Variants in ANK2 observed in about 807,000 individuals in gnomAD.
ANK2 encodes the protein ankyrin-2.
In ANK2, 83 loss-of-function variants were observed where a neutral mutation model predicts 360.5. The ratio of observed to expected loss-of-function variants is 0.23; its 90% confidence interval spans 0.19 to 0.28. The LOEUF is 0.28. ANK2 is among the 10% of genes least tolerant of loss of function. The pLI, the probability that ANK2 is intolerant of heterozygous loss-of-function variation, is 1.00. For synonymous variants in ANK2, 1,740 were observed against 1,759.5 expected (o/e 0.99, Z 0.28); for missense variants, 4,201 against 4,795.7 (o/e 0.88, Z 3.66).
In ANK2 at chr4:113,292,408, C is replaced by A. The variant is rs2068207320; in HGVS notation, c.2278-8C>A. On this transcript the variant is annotated splice_region_variant and splice_polypyrimidine_tract_variant and intron_variant, in intron 20 of 45. Coordinates refer to ENST00000357077, the MANE Select transcript of ANK2 (RefSeq NM_001148.6). ...GGGTGCTGGGCCCGCCACCACTGTC[C>A]TCCACAGAACGGCTACACGCCTTTG... 6.2e-7 allele frequency: 1 copy of A among 1,607,690 alleles called. No homozygotes were observed.
At chr4:113,089,624 G>A (rs758797240) in intron 1 of ANK2, among the ~76,000 whole-genome samples, 2 of 152,114 alleles carry the variant, frequency 1.3e-5, no homozygotes, top group Non-Finnish European at 1.5e-5. Context: ...TCAGAAGTTC[G>A]AGACTAGCCT....
At chr4:113,153,756 C>T (rs890011402) in intron 1 of ANK2, among the ~76,000 whole-genome samples, 1 of 152,218 alleles carries the variant, frequency 6.6e-6, no homozygotes, top group Non-Finnish European at 1.5e-5. Context: ...TGAACTACCA[C>T]ATCAGAAGAA....
intron 24 of ANK2, among the ~76,000 whole-genome samples, chr4:113,312,376 A>G (rs770517427): frequency 3.3e-5 from 5 of 152,152 alleles, no homozygotes; most frequent in Non-Finnish European, 7.4e-5. Context: ...AGTTGGCACT[A>G]TTGTAAGCTA....
At chr4:112,785,764 G>A in the ANK2 span, among the ~76,000 whole-genome samples, 1 of 151,970 alleles carries the variant, frequency 6.6e-6, no homozygotes, top group Non-Finnish European at 1.5e-5. Flanking sequence ...GAACTTCTGA[G>A]CTCCAGCAAT....
chr4:112,818,433 A>T (rs1346236961), intron 1 of ANK2, among the ~76,000 whole-genome samples: 1 of 152,074 alleles, frequency 6.6e-6, no homozygotes, highest in Admixed American at 6.6e-5. Flanking sequence ...TGATGTGCAA[A>T]TGTTCCCCAG....
chr4:113,129,614 T>C (rs1474937211), intron 1 of ANK2, among the ~76,000 whole-genome samples: 1 of 152,206 alleles, frequency 6.6e-6, no homozygotes, highest in African/African-American at 2.4e-5. Flanking sequence ...AAGGAGCTGC[T>C]ATATAGTACA....
At chr4:113,003,004 C>T (rs1274091008) in intron 2 of ANK2, among the ~76,000 whole-genome samples, 1 of 152,244 alleles carries the variant, frequency 6.6e-6, no homozygotes, top group Non-Finnish European at 1.5e-5. Flanking sequence ...ATGCAACCAT[C>T]TGCCATGGGT....
At chr4:112,976,921 A>G (rs1372967900) in intron 2 of ANK2, among the ~76,000 whole-genome samples, 4 of 152,196 alleles carry the variant, frequency 2.6e-5, no homozygotes, top group Non-Finnish European at 5.9e-5. Context: ...GACCTCACTT[A>G]TCTTTGCATC....
chr4:112,931,526 T>G (rs1255624617), intron 2 of ANK2, among the ~76,000 whole-genome samples: 1 of 141,850 alleles, frequency 7.0e-6, no homozygotes, highest in African/African-American at 2.6e-5. Context: ...AACCTCTGCC[T>G]CCTGGGTTCA....
chr4:112,894,707 A>G (rs2081228621), intron 1 of ANK2, among the ~76,000 whole-genome samples: 2 of 152,226 alleles, frequency 1.3e-5, no homozygotes, highest in African/African-American at 2.4e-5. Flanking sequence ...TGTCACTCCT[A>G]GAACTCACTG....
At chr4:113,350,091 G>A (rs565378733) in intron 36 of ANK2, 137 bp from the exon 37 acceptor site, 2 of 722,728 alleles carry the variant, frequency 2.8e-6, no homozygotes, top group Non-Finnish European at 2.3e-6. Context: ...AAAAAATGTA[G>A]CAAATTACTC....
intron 1 of ANK2, among the ~76,000 whole-genome samples, chr4:113,050,515 G>T (rs1268948226): frequency 1.3e-5 from 2 of 152,120 alleles, no homozygotes; most frequent in African/African-American, 4.8e-5. Flanking sequence ...TGATAGCAGC[G>T]AGAAACAGTG....
intron 1 of ANK2, chr4:113,145,618 T>G (rs1435330821): frequency 9.2e-7 from 1 of 1,089,320 alleles, no homozygotes; most frequent in Non-Finnish European, 1.1e-6. Context: ...GGTGTAAAAA[T>G]AGACTGGCAG....
At chr4:112,774,327 C>T in the ANK2 span, among the ~76,000 whole-genome samples, 21,205 of 151,840 alleles carry the variant, frequency 0.14, 2,256 homozygotes, top group East Asian at 0.49. Context: ...GAGATCGAGA[C>T]CATCCTGGCT....
chr4:112,956,343 AT>A (rs546185834), intron 2 of ANK2, among the ~76,000 whole-genome samples: 5 of 151,786 alleles, frequency 3.3e-5, no homozygotes, highest in South Asian at 2.1e-4. Context: ...TCAGCATATG[AT>A]TTTTTTTTCC....
At chr4:112,749,333 A>G in the ANK2 span, among the ~76,000 whole-genome samples, 2 of 152,346 alleles carry the variant, frequency 1.3e-5, no homozygotes, top group East Asian at 3.9e-4. Context: ...CCTGAGTCTC[A>G]AGAGTAACGT....
chr4:112,832,244 G>T (rs558678848), intron 1 of ANK2, among the ~76,000 whole-genome samples: 2 of 152,302 alleles, frequency 1.3e-5, no homozygotes, highest in South Asian at 2.1e-4. Context: ...GTAGAGACAG[G>T]GTTTCACCCT....
chr4:113,335,772 G>A (rs114357136), intron 29 of ANK2, 74 bp from the exon 30 acceptor site: 77 of 1,446,602 alleles, frequency 5.3e-5, no homozygotes, highest in African/African-American at 4.5e-4. Flanking sequence ...TTAACCGAGC[G>A]AATGAGTTGG....
At position 113,003,820 on chromosome 4, in the gene ANK2, C is replaced by G. The variant is rs58579248; in HGVS notation, c.21+99306C>G. On this transcript the variant is annotated intron_variant, in intron 2 of 30. Transcript: ENST00000503271. The stretch of plus-strand genomic sequence containing the variant: ...ATCCTTAGAATGTACTTACACAAAC[C>G]TAGATGGTATATTGCCTACAACATG... 5.4e-3 allele frequency among the ~76,000 whole-genome samples: 829 copies of G among 152,292 alleles called. 10 individuals carry two copies. The highest frequency in any genetic ancestry group is 0.019 in the African/African-American group (779 of 41,556).
Sources: allele counts gnomAD v4.1 joint callset (sites outside exome capture counted in the v4.1 genomes callset), GRCh38; gene constraint gnomAD v4.1.1; transcripts MANE v1.5; gene names NCBI Gene and HGNC (gene_info 2026-07-23, HGNC 2026-07-21).